Variants in RBFOX1 observed in about 807,000 individuals in gnomAD.
RBFOX1 encodes the protein RNA binding fox-1 homolog 1.
In RBFOX1, 8 loss-of-function variants were observed where a neutral mutation model predicts 57.7. That is an observed-to-expected ratio of 0.14 (90% confidence interval 0.08 to 0.25). The LOEUF (loss-of-function observed/expected upper bound fraction) is 0.25, where lower values mean the gene tolerates loss of function less well. Ranked by LOEUF, RBFOX1 falls within the 10% of genes least tolerant of loss-of-function variation. The pLI, the probability that RBFOX1 is intolerant of heterozygous loss-of-function variation, is 1.00. For synonymous variants in RBFOX1, 326 were observed against 222.4 expected (o/e 1.47, Z -4.15); for missense variants, 611 against 548.5 (o/e 1.11, Z -1.14).
At chr16:5,866,273 G>A (rs1003183119) in intron 3 of RBFOX1, among the ~76,000 whole-genome samples, 1 of 152,182 alleles carries the variant, frequency 6.6e-6, no homozygotes, top group East Asian at 1.9e-4. Flanking sequence ...CCAGGCAGCT[G>A]TCTCTTCTTT....
intron 2 of RBFOX1, among the ~76,000 whole-genome samples, chr16:6,483,028 G>GA (rs2095397241): frequency 6.6e-6 from 1 of 152,244 alleles, no homozygotes; most frequent in Admixed American, 6.5e-5. Context: ...ACGTGCGGGC[G>GA]AGAGAGGGCG....
intron 4 of RBFOX1, among the ~76,000 whole-genome samples, chr16:7,056,915 A>T (rs758639567): frequency 1.3e-5 from 2 of 152,114 alleles, no homozygotes; most frequent in Admixed American, 1.3e-4. Context: ...TTAGGTTCAG[A>T]TCCCACTTCT....
intron 3 of RBFOX1, among the ~76,000 whole-genome samples, chr16:6,944,913 A>C (rs964921354): frequency 5.3e-5 from 8 of 152,278 alleles, no homozygotes; most frequent in South Asian, 2.1e-4. Flanking sequence ...GCTCTTAGCT[A>C]TTCTGTCTGT....
At chr16:5,562,758 T>C (rs1207250140) in intron 2 of RBFOX1, among the ~76,000 whole-genome samples, 3 of 152,120 alleles carry the variant, frequency 2.0e-5, no homozygotes, top group Admixed American at 2.0e-4. Flanking sequence ...GTTCAATCGT[T>C]TCAAGAATTA....
At chr16:7,465,107 G>A (rs143560077) in intron 4 of RBFOX1, among the ~76,000 whole-genome samples, 1 of 152,022 alleles carries the variant, frequency 6.6e-6, no homozygotes, top group African/African-American at 2.4e-5. Context: ...CTCATCCTTA[G>A]AACCCCAAGT....
At chr16:5,444,974 G>C (rs1322344202) in intron 1 of RBFOX1, among the ~76,000 whole-genome samples, 2 of 152,072 alleles carry the variant, frequency 1.3e-5, no homozygotes, top group Non-Finnish European at 2.9e-5. Flanking sequence ...GTTAGCTCTG[G>C]GGAAATCAAC....
intron 4 of RBFOX1, among the ~76,000 whole-genome samples, chr16:7,454,396 G>A (rs574070229): frequency 3.3e-5 from 5 of 151,944 alleles, no homozygotes; most frequent in East Asian, 3.9e-4. Flanking sequence ...CCATATCAAA[G>A]GCAGATTGTC....
At chr16:6,935,018 G>A (rs550057871) in intron 3 of RBFOX1, among the ~76,000 whole-genome samples, 140 of 152,100 alleles carry the variant, frequency 9.2e-4, no homozygotes, top group Non-Finnish European at 1.8e-3. Flanking sequence ...AGCCCAGGAG[G>A]CAGGGGTTGT....
chr16:6,220,970 G>T (rs1487570253), intron 1 of RBFOX1, among the ~76,000 whole-genome samples: 1 of 151,492 alleles, frequency 6.6e-6, no homozygotes, highest in East Asian at 1.9e-4. Flanking sequence ...GTGTGTGTGT[G>T]TATGTGTGTG....
intron 4 of RBFOX1, among the ~76,000 whole-genome samples, chr16:7,314,743 G>A (rs907701753): frequency 7.2e-5 from 11 of 152,164 alleles, no homozygotes; most frequent in Admixed American, 2.6e-4. Context: ...ACAGGCAGGG[G>A]AGAGGGCGAG....
At chr16:6,126,958 A>G (rs1196773734) in intron 1 of RBFOX1, among the ~76,000 whole-genome samples, 3 of 152,176 alleles carry the variant, frequency 2.0e-5, no homozygotes, top group Non-Finnish European at 4.4e-5. Context: ...TGGTTGTGAG[A>G]TAAAAAACAA....
rs899545472 is a variant in RBFOX1 at position 7,021,934 on chromosome 16, C to A, written c.-15-30123C>A. 2.1e-5 allele frequency among the ~76,000 whole-genome samples: 3 copies of A among 141,610 alleles called. No individual in the cohort carries two copies. The East Asian group carries it at 6.7e-4, about 32-fold the overall frequency. 92.9% of individuals were successfully genotyped at this position (141,610 alleles called of 152,430 possible). ...TTTCTTTTCTTTCTTTCTTTATTTT[C>A]TTTTCTTTCTTTCTTTTCTTTCTCT... On this transcript the variant is annotated intron_variant, in intron 3 of 15. Coordinates refer to ENST00000550418, the MANE Select transcript of RBFOX1 (RefSeq NM_018723.4).
chr16:7,569,594 C>T (rs1006133903), intron 5 of RBFOX1, among the ~76,000 whole-genome samples: 1 of 152,146 alleles, frequency 6.6e-6, no homozygotes, highest in Non-Finnish European at 1.5e-5. Context: ...TCTCCATTGC[C>T]ATGTAAAGTA....
At chr16:6,780,942 G>C (rs768977838) in intron 3 of RBFOX1, among the ~76,000 whole-genome samples, 4 of 151,970 alleles carry the variant, frequency 2.6e-5, no homozygotes, top group Non-Finnish European at 5.9e-5. Flanking sequence ...CATTTTGTAG[G>C]TTGTCTTATC....
At chr16:5,594,624 T>C (rs1240078291) in intron 2 of RBFOX1, among the ~76,000 whole-genome samples, 1 of 151,874 alleles carries the variant, frequency 6.6e-6, no homozygotes, top group Admixed American at 6.6e-5. Flanking sequence ...AAGAGACAAA[T>C]GGTTTCATTC....
intron 4 of RBFOX1, among the ~76,000 whole-genome samples, chr16:7,244,113 A>T (rs1166956298): frequency 1.3e-5 from 2 of 152,072 alleles, no homozygotes; most frequent in Non-Finnish European, 1.5e-5. Context: ...GTCAGTCTAC[A>T]GCTCAATCTT....
chr16:5,922,133 C>T (rs2058837240), intron 4 of RBFOX1, among the ~76,000 whole-genome samples: 1 of 152,156 alleles, frequency 6.6e-6, no homozygotes, highest in African/African-American at 2.4e-5. Flanking sequence ...TGCATTCCAG[C>T]CTAGGCAACA....
At chr16:5,603,274 G>A (rs1215562990), downstream of RBFOX1, among the ~76,000 whole-genome samples, 2 of 152,186 alleles carry the variant, frequency 1.3e-5, no homozygotes, top group African/African-American at 2.4e-5. Context: ...CCATTTCACA[G>A]GCATTGTATC....
chr16:5,730,688 C>A (rs148363846), intron 3 of RBFOX1, among the ~76,000 whole-genome samples: 46 of 151,836 alleles, frequency 3.0e-4, no homozygotes, highest in African/African-American at 1.0e-3. Context: ...ACCAATGTCA[C>A]CACCATCATT....
Sources: allele counts gnomAD v4.1 joint callset (sites outside exome capture counted in the v4.1 genomes callset), GRCh38; gene constraint gnomAD v4.1.1; transcripts MANE v1.5; gene names NCBI Gene and HGNC (gene_info 2026-07-23, HGNC 2026-07-21).